The following TENM3 variants were observed in gnomAD, a reference collection of about 807,000 sequenced individuals.
The protein encoded by TENM3 is teneurin-3.
In TENM3, 63 loss-of-function variants were observed where a neutral mutation model predicts 255.1. The observed-to-expected ratio is 0.25, with a 90% CI of 0.20 to 0.30. The LOEUF is 0.30. Ranked by LOEUF, TENM3 falls within the 10% of genes least tolerant of loss-of-function variation. The probability of loss-of-function intolerance (pLI) is 1.00; values close to 1 mark genes in which losing one functional copy is unlikely to be tolerated. For missense variants in TENM3, 2,929 were observed against 3,461.1 expected (o/e 0.85, Z 3.86); for synonymous variants, 1,306 against 1,322.3 (o/e 0.99, Z 0.27).
rs562249767 is a variant in TENM3, at chr4:182,453,163, A to G, written c.511+106234A>G. 8.5e-5 allele frequency among the ~76,000 whole-genome samples: 13 copies of G among 152,220 alleles called. No individual in the cohort carries two copies. The South Asian group carries it at 2.5e-3, about 29-fold the overall frequency. ...GACCCAGCTCTTCAGTTGAAATCCT[A>G]TGTATTTAAGTTTTGAAATGTCTAC... On this transcript the variant is annotated intron_variant, in intron 3 of 27. Transcript: ENST00000511685.
intron 2 of TENM3, among the ~76,000 whole-genome samples, chr4:182,340,371 G>T (rs1764413393): frequency 6.6e-6 from 1 of 152,138 alleles, no homozygotes; most frequent in Non-Finnish European, 1.5e-5. Flanking sequence ...GTCATTTTCA[G>T]CGTCCTCTGG....
chr4:181,663,828 T>A, the TENM3 span, among the ~76,000 whole-genome samples: 1 of 152,212 alleles, frequency 6.6e-6, no homozygotes, highest in Admixed American at 6.5e-5. Context: ...CAGTGTGTGA[T>A]TTCCTTGCCA....
chr4:182,146,221 G>C (rs984606347), intron 1 of TENM3, among the ~76,000 whole-genome samples: 1 of 152,126 alleles, frequency 6.6e-6, no homozygotes, highest in Non-Finnish European at 1.5e-5. Context: ...CTTGCTTTGT[G>C]CATTCCTTAA....
At chr4:182,346,995 C>CTG in intron 3 of TENM3, 66 bp downstream of exon 3, 1 of 845,776 alleles carries the variant, frequency 1.2e-6, no homozygotes, top group Admixed American at 3.4e-5. Flanking sequence ...GTTGACTCCG[C>CTG]GGGGGGGGAT....
At chr4:181,508,892 C>CTTTTT in the TENM3 span, among the ~76,000 whole-genome samples, 1 of 53,788 alleles carries the variant, frequency 1.9e-5, no homozygotes, top group Non-Finnish European at 3.2e-5. Flanking sequence ...ATTTCCAACA[C>CTTTTT]TTTTTTTTTT....
chr4:182,454,693 A>T (rs1343070255), intron 3 of TENM3, among the ~76,000 whole-genome samples: 1 of 152,196 alleles, frequency 6.6e-6, no homozygotes, highest in Non-Finnish European at 1.5e-5. Context: ...CATAAGATTT[A>T]TAGTTTATAT....
chr4:182,628,632 A>T lies in TENM3; in HGVS notation c.750-19A>T, dbSNP rs772650730. 3 of 1,438,992 alleles carry T rather than the reference A, an allele frequency of 2.1e-6. No individual in the cohort carries two copies. Among genetic ancestry groups the T allele is most frequent in the Non-Finnish European group, 2.9e-6 (3 of 1,041,512 alleles). The allele number at this position is 1,438,992 out of a possible 1,614,324, so 89.1% of individuals were successfully genotyped here. ...CGTAACATATTTGTATCTTATAATG[A>T]TATTCTCCTTTTCCACAGGCATTTC... On this transcript the variant is annotated intron_variant, in intron 4 of 27. Coordinates refer to ENST00000511685, the MANE Select transcript of TENM3 (RefSeq NM_001080477.4).
chr4:181,523,152 A>G, the TENM3 span, among the ~76,000 whole-genome samples: 1 of 152,310 alleles, frequency 6.6e-6, no homozygotes, highest in East Asian at 1.9e-4. Context: ...TGTACTCAAT[A>G]TATAAGCAGC....
At chr4:182,123,430 C>T in the TENM3 span, among the ~76,000 whole-genome samples, 2 of 152,176 alleles carry the variant, frequency 1.3e-5, no homozygotes, top group Non-Finnish European at 2.9e-5. Flanking sequence ...AGATGTGCAA[C>T]TCTTCCTTTC....
intron 3 of TENM3, among the ~76,000 whole-genome samples, chr4:182,460,415 C>T (rs997419664): frequency 6.6e-6 from 1 of 152,024 alleles, no homozygotes; most frequent in Non-Finnish European, 1.5e-5. Flanking sequence ...CAAAAATAAA[C>T]CTGCTTCTAT....
chr4:181,452,601 A>C, the TENM3 span, among the ~76,000 whole-genome samples: 2 of 152,180 alleles, frequency 1.3e-5, no homozygotes, highest in African/African-American at 4.8e-5. Context: ...CTCCCCAGCC[A>C]GGCTGAACTG....
rs1268087739 is a variant in TENM3, at chr4:182,792,173, A to T, written c.5602-101A>T. 1 of 1,104,304 alleles carries T rather than the reference A, an allele frequency of 9.1e-7. No homozygotes were observed. The highest frequency in any genetic ancestry group is 1.6e-5 in the African/African-American group (1 of 63,724). 68.4% of individuals were successfully genotyped at this position (1,104,304 alleles called of 1,614,324 possible). ...GGATAACTCAATTAAAATGAAAATCATTTTCTCTAGTGGAATGTTTCTGTG... is the reference window on the plus strand; with the variant it reads ...GGATAACTCAATTAAAATGAAAATCTTTTTCTCTAGTGGAATGTTTCTGTG... On this transcript the variant is annotated intron_variant, in intron 25 of 27. Coordinates refer to ENST00000511685, the MANE Select transcript of TENM3 (RefSeq NM_001080477.4). This position sits in a 1 kb window ranked among gnomAD's most constrained non-coding sequence, Gnocchi z 6.3.
intron 1 of TENM3, among the ~76,000 whole-genome samples, chr4:182,245,055 T>G (rs1757550747): frequency 1.3e-5 from 2 of 152,150 alleles, no homozygotes; most frequent in African/African-American, 4.8e-5. Flanking sequence ...TTCAGAAACA[T>G]TCAAAACAAT....
intron 3 of TENM3, among the ~76,000 whole-genome samples, chr4:182,411,080 C>T (rs907609388): frequency 1.5e-4 from 23 of 152,248 alleles, no homozygotes; most frequent in African/African-American, 4.6e-4. Context: ...GAGTCCCTAT[C>T]GGCTGTAATG....
the TENM3 span, among the ~76,000 whole-genome samples, chr4:182,087,978 G>A: frequency 3.3e-5 from 5 of 152,244 alleles, no homozygotes; most frequent in East Asian, 1.9e-4. Flanking sequence ...CACAGTAGGC[G>A]CTACATAAAT....
At chr4:182,084,216 C>T in the TENM3 span, among the ~76,000 whole-genome samples, 1 of 152,278 alleles carries the variant, frequency 6.6e-6, no homozygotes, top group African/African-American at 2.4e-5. Context: ...AAGCTGCCTC[C>T]TCTCCACTGC....
chr4:182,060,385 A>T, the TENM3 span, among the ~76,000 whole-genome samples: 109 of 152,312 alleles, frequency 7.2e-4, no homozygotes, highest in African/African-American at 2.4e-3. Context: ...GTTCTATCTC[A>T]GATCATCAGG....
intron 6 of TENM3, among the ~76,000 whole-genome samples, chr4:182,660,212 C>T (rs760658616): frequency 6.6e-6 from 1 of 152,144 alleles, no homozygotes; most frequent in Non-Finnish European, 1.5e-5. Context: ...CTGCTGTATA[C>T]CAAGCTCTTG....
At chr4:181,829,985 G>C in the TENM3 span, 1 of 152,410 alleles carries the variant, frequency 6.6e-6, no homozygotes, top group East Asian at 1.9e-4. Flanking sequence ...GTCTCGAGGT[G>C]TGCTTCTGGG....
Sources: gnomAD v4.1 joint callset for allele counts (sites outside exome capture counted in the v4.1 genomes callset) on GRCh38, gnomAD v4.1.1 for gene constraint, Gnocchi (gnomAD v3.1) non-coding constraint, MANE v1.5 for transcripts, NCBI Gene and HGNC (gene_info 2026-07-23, HGNC 2026-07-21) for gene names.